Variants in KDM4C observed in about 807,000 individuals in gnomAD.
KDM4C encodes the protein lysine-specific demethylase 4C.
Under a neutral mutation model 129.3 loss-of-function variants are expected in KDM4C, and 81 were observed. The observed-to-expected ratio is 0.63, with a 90% CI of 0.52 to 0.75. The LOEUF is 0.75. KDM4C is among the 30% of genes least tolerant of loss of function. The pLI, the probability that KDM4C is intolerant of heterozygous loss-of-function variation, is 0.00. For synonymous variants in KDM4C, 573 were observed against 456.1 expected (o/e 1.26, Z -3.26); for missense variants, 1,457 against 1,304.0 (o/e 1.12, Z -1.81).
intron 3 of KDM4C, among the ~76,000 whole-genome samples, chr9:6,807,691 G>C (rs528541679): frequency 6.9e-6 from 1 of 144,342 alleles, no homozygotes; most frequent in African/African-American, 2.6e-5. Context: ...CCCGGCAGCT[G>C]CCCCGTCTGA....
chr9:6,849,475 A>G (rs748076194), intron 4 of KDM4C, 32 bp from the exon 5 acceptor site: 1 of 1,499,792 alleles, frequency 6.7e-7, no homozygotes, highest in East Asian at 2.3e-5. Context: ...GTAAGATTTG[A>G]TTTCTCTCTC....
intron 7 of KDM4C, among the ~76,000 whole-genome samples, chr9:6,891,949 A>G (rs1293994887): frequency 7.9e-5 from 12 of 152,220 alleles, no homozygotes; most frequent in African/African-American, 2.7e-4. Context: ...GCATTTTATT[A>G]TATGTACATT....
chr9:6,820,902 G>C (rs1384406275), intron 4 of KDM4C, among the ~76,000 whole-genome samples: 1 of 146,048 alleles, frequency 6.8e-6, no homozygotes, highest in Admixed American at 6.9e-5. Flanking sequence ...CCCAGTGTGT[G>C]ATGTTCCCTG....
chr9:6,918,277 G>C (rs939355778), intron 8 of KDM4C, among the ~76,000 whole-genome samples: 1 of 152,150 alleles, frequency 6.6e-6, no homozygotes, highest in Non-Finnish European at 1.5e-5. Context: ...GTGGTATTTG[G>C]TTTTTTGTTC....
At chr9:7,156,494 AT>A (rs1341475532) in intron 19 of KDM4C, among the ~76,000 whole-genome samples, 1 of 152,194 alleles carries the variant, frequency 6.6e-6, no homozygotes, top group Admixed American at 6.5e-5. Flanking sequence ...TAGGTCTAAC[AT>A]TTAAGTCTTA....
At chr9:6,922,267 A>G (rs1398294451) in intron 8 of KDM4C, among the ~76,000 whole-genome samples, 4 of 152,216 alleles carry the variant, frequency 2.6e-5, no homozygotes, top group Non-Finnish European at 5.9e-5. Flanking sequence ...TATAACACTG[A>G]ACATTTCTAA....
intron 1 of KDM4C, among the ~76,000 whole-genome samples, chr9:6,779,059 C>T (rs1328567317): frequency 1.0e-4 from 11 of 104,830 alleles, no homozygotes; most frequent in African/African-American, 5.3e-5. Flanking sequence ...GATGGAGTCT[C>T]GCTCTGTCGC....
intron 19 of KDM4C, among the ~76,000 whole-genome samples, chr9:7,144,885 C>G (rs776903530): frequency 6.6e-6 from 1 of 152,242 alleles, no homozygotes; most frequent in Admixed American, 6.5e-5. Flanking sequence ...CAATCTTTGA[C>G]GTATTTTTAG....
chr9:6,992,279 T>C (rs1818894446), intron 12 of KDM4C, among the ~76,000 whole-genome samples: 1 of 152,234 alleles, frequency 6.6e-6, no homozygotes, highest in South Asian at 2.1e-4. Flanking sequence ...TGGGCCATCA[T>C]AAATTGGCCC....
chr9:7,006,058 G>A (rs1441693422), intron 12 of KDM4C, among the ~76,000 whole-genome samples: 1 of 152,150 alleles, frequency 6.6e-6, no homozygotes, highest in Non-Finnish European at 1.5e-5. Context: ...TGTATAAAAA[G>A]CAACGAAAAA....
At chr9:7,072,419 T>A (rs1017874996) in intron 17 of KDM4C, among the ~76,000 whole-genome samples, 5 of 152,188 alleles carry the variant, frequency 3.3e-5, no homozygotes, top group African/African-American at 1.2e-4. Flanking sequence ...GGTACCTTCA[T>A]ACAATATAAT....
At chr9:7,101,180 G>A (rs976539893) in intron 17 of KDM4C, among the ~76,000 whole-genome samples, 2 of 152,150 alleles carry the variant, frequency 1.3e-5, no homozygotes, top group Middle Eastern at 3.2e-3. Context: ...GCCTATTCAT[G>A]TTATTCTAGT....
At chr9:7,002,226 G>T (rs1016921027) in intron 12 of KDM4C, among the ~76,000 whole-genome samples, 1 of 152,110 alleles carries the variant, frequency 6.6e-6, no homozygotes, top group Non-Finnish European at 1.5e-5. Flanking sequence ...TAAAGGGAAA[G>T]GGCTGTTGCT....
intron 18 of KDM4C, among the ~76,000 whole-genome samples, chr9:7,112,909 C>T (rs1838491267): frequency 6.6e-6 from 1 of 152,122 alleles, no homozygotes; most frequent in Non-Finnish European, 1.5e-5. Context: ...ATTGTTTTTC[C>T]TTTAACAATT....
At chr9:6,877,865 T>C (rs141734469) in intron 5 of KDM4C, among the ~76,000 whole-genome samples, 25 of 152,372 alleles carry the variant, frequency 1.6e-4, no homozygotes, top group African/African-American at 5.8e-4. Flanking sequence ...ATCTTCAGAC[T>C]GTCCTTTGTC....
intron 12 of KDM4C, among the ~76,000 whole-genome samples, chr9:7,007,480 T>C (rs147934222): frequency 6.6e-6 from 1 of 152,334 alleles, no homozygotes; most frequent in Non-Finnish European, 1.5e-5. Context: ...TTTTGCTGTG[T>C]TGACTCTTGT....
At chr9:7,003,934 A>T (rs1359719941) in intron 12 of KDM4C, among the ~76,000 whole-genome samples, 1 of 152,104 alleles carries the variant, frequency 6.6e-6, no homozygotes, top group Non-Finnish European at 1.5e-5. Context: ...TCCCTGCAGG[A>T]TGTTTGAAAC....
chr9:7,011,487 G>A (rs138015962), intron 12 of KDM4C, among the ~76,000 whole-genome samples: 3 of 152,178 alleles, frequency 2.0e-5, no homozygotes, highest in Admixed American at 1.3e-4. Context: ...TTGTCTGGCC[G>A]TGGGATCTGA....
intron 17 of KDM4C, among the ~76,000 whole-genome samples, chr9:7,098,854 A>G (rs996830489): frequency 6.6e-6 from 1 of 152,232 alleles, no homozygotes; most frequent in African/African-American, 2.4e-5. Flanking sequence ...TGAGTGATTG[A>G]CTTAATGAAT....
Sources: allele counts gnomAD v4.1 joint callset (sites outside exome capture counted in the v4.1 genomes callset), GRCh38; gene constraint gnomAD v4.1.1; transcripts MANE v1.5; gene names NCBI Gene and HGNC (gene_info 2026-07-23, HGNC 2026-07-21).